KANK4: variants seen among roughly 807,000 people sequenced by gnomAD.
KANK4 encodes KN motif and ankyrin repeat domain-containing protein 4.
Under a neutral mutation model 80.8 loss-of-function variants are expected in KANK4, and 50 were observed. The observed-to-expected ratio is 0.62, with a 90% CI of 0.49 to 0.78. KANK4 has a LOEUF of 0.78. Ranked by LOEUF, KANK4 falls within the 30% of genes least tolerant of loss-of-function variation. The pLI, the probability that KANK4 is intolerant of heterozygous loss-of-function variation, is 0.00. For synonymous variants in KANK4, 465 were observed against 506.9 expected (o/e 0.92, Z 1.11); for missense variants, 1,196 against 1,240.1 (o/e 0.96, Z 0.53).
chr1:62,263,561 TTAA>T (rs1393515372), intron 6 of KANK4: 1 of 464,630 alleles, frequency 2.2e-6, no homozygotes, highest in Non-Finnish European at 3.8e-6. Context: ...AACAAGGCAC[TTAA>T]CTGGAAAAAG....
intron 1 of KANK4, among the ~76,000 whole-genome samples, chr1:62,309,270 C>T (rs1218319096): frequency 6.6e-6 from 1 of 152,176 alleles, no homozygotes; most frequent in Non-Finnish European, 1.5e-5. Flanking sequence ...GAGGGCTCCA[C>T]CTTCATGACC....
chr1:62,270,331 T>C (rs1044163416), intron 4 of KANK4, among the ~76,000 whole-genome samples: 3 of 151,906 alleles, frequency 2.0e-5, no homozygotes, highest in African/African-American at 7.3e-5. Flanking sequence ...TTAGTGGAAG[T>C]GGGAACAGCA....
chr1:62,274,622 CT>C lies in KANK4; in HGVS notation c.481del (p.Arg161GlufsTer20). 1 of 1,614,170 alleles carries C rather than the reference CT, an allele frequency of 6.2e-7. No individual in the cohort carries two copies. The highest frequency in any genetic ancestry group is 8.5e-7 in the Non-Finnish European group (1 of 1,180,026). On this transcript the variant is annotated frameshift_variant, in exon 3 of 10. Coordinates refer to ENST00000371153, the MANE Select transcript of KANK4 (RefSeq NM_181712.5). LOFTEE classifies it high-confidence loss of function. Reference sequence around the variant, plus strand: ...CAGCGTGGCAGGCATGCTGGATGCTCTCAAGAGCTGGGGCCGTCCACTCCCA... The same window carrying C: ...CAGCGTGGCAGGCATGCTGGATGCTCCAAGAGCTGGGGCCGTCCACTCCCA... Reference protein sequence around the residue: ...TFGSGRPQLLRASSMPATLLH... With the variant: ...TFGSGRPQLLXASSMPATLLH...
intron 4 of KANK4, among the ~76,000 whole-genome samples, chr1:62,269,767 A>T (rs1455015567): frequency 6.6e-6 from 1 of 152,194 alleles, no homozygotes; most frequent in Non-Finnish European, 1.5e-5. Context: ...TTAGGTAGTG[A>T]TAAAAACAAT....
chr1:62,277,830 A>G (rs1214123916), intron 2 of KANK4, among the ~76,000 whole-genome samples: 2 of 152,256 alleles, frequency 1.3e-5, no homozygotes, highest in African/African-American at 2.4e-5. Flanking sequence ...GCCTGTATTA[A>G]TAATAAATTA....
intron 8 of KANK4, 26 bp from the exon 9 acceptor site, chr1:62,247,698 G>T: frequency 1.2e-6 from 2 of 1,608,366 alleles, no homozygotes; most frequent in South Asian, 1.1e-5. Flanking sequence ...CAGGGATGTG[G>T]TGAGGTTGCT....
chr1:62,261,760 T>C (rs567914807), intron 7 of KANK4, among the ~76,000 whole-genome samples: 1 of 152,240 alleles, frequency 6.6e-6, no homozygotes, highest in Admixed American at 6.5e-5. Flanking sequence ...TTAATTCCCA[T>C]CCCATCCAAA....
chr1:62,281,171 C>T (rs1336786559), intron 2 of KANK4, among the ~76,000 whole-genome samples: 1 of 152,192 alleles, frequency 6.6e-6, no homozygotes, highest in Non-Finnish European at 1.5e-5. Flanking sequence ...TCATCCATGC[C>T]AGCCCAAACC....
At chr1:62,271,806 C>A in intron 3 of KANK4, 1 of 487,702 alleles carries the variant, frequency 2.1e-6, no homozygotes, top group Non-Finnish European at 3.7e-6. Context: ...AACAATGCCC[C>A]TCTAAGTGTG....
intron 1 of KANK4, among the ~76,000 whole-genome samples, chr1:62,299,000 T>A (rs994188708): frequency 3.3e-5 from 5 of 152,080 alleles, no homozygotes; most frequent in Admixed American, 1.3e-4. Flanking sequence ...TTGGTCATAG[T>A]CACAAAGATA....
Position 62,236,593 on chromosome 1 carries a change from A to ATTT in KANK4, c.*1681_*1683dup, listed in dbSNP as rs11449212. Among the ~76,000 whole-genome samples the ATTT allele has an allele frequency of 0.029, 3,650 of 124,320 alleles. 137 individuals carry two copies. The highest frequency in any genetic ancestry group is 0.067 in the African/African-American group (2,154 of 32,210). The allele number at this position is 124,320 out of a possible 152,430, so 81.6% of individuals were successfully genotyped here. A position where few individuals can be genotyped will look rare whatever the true frequency, so the allele number is the denominator to read the frequency against. Reference sequence around the variant, plus strand: ...ATGGCCTTAATGGGTTACAAATTGGATTTTTTTTTTTTTTTTTTTTGAGAC... The same window carrying ATTT: ...ATGGCCTTAATGGGTTACAAATTGGATTTTTTTTTTTTTTTTTTTTTTTGAGAC... On this transcript the variant is annotated 3_prime_UTR_variant, in exon 10 of 10. Transcript: ENST00000371153.
chr1:62,268,355 A>C lies in KANK4; in HGVS notation c.2163T>G (p.Pro721=), dbSNP rs778833156. The C allele has an allele frequency of 3.7e-6, 6 of 1,614,070 alleles. No homozygotes were observed. The East Asian group carries it at 8.9e-5, about 24-fold the overall frequency. Residue 721 remains proline, a synonymous_variant, in exon 5 of 10, where the codon CCT becomes CCG. Transcript: ENST00000371153. Reference sequence around the variant, plus strand: ...CCTGGGCAGCATGGCAGGTGCCCTCAGGGATGCCCTGCCCAGCCTCGCAGG... The same window carrying C: ...CCTGGGCAGCATGGCAGGTGCCCTCCGGGATGCCCTGCCCAGCCTCGCAGG... ...HLTCEAGQGI[P]EGTCHAAQES...
At chr1:62,240,776 A>G (rs981739034) in intron 9 of KANK4, among the ~76,000 whole-genome samples, 18 of 152,242 alleles carry the variant, frequency 1.2e-4, no homozygotes, top group African/African-American at 4.3e-4. Context: ...CACTCTTTAC[A>G]TTGACACGGT....
At chr1:62,278,345 C>T (rs373450265) in intron 2 of KANK4, among the ~76,000 whole-genome samples, 429 of 11,520 alleles carry the variant, frequency 0.037, 44 homozygotes, top group African/African-American at 0.2. Flanking sequence ...TCCTTCCTTC[C>T]TTCCTTCCTT....
intron 9 of KANK4, among the ~76,000 whole-genome samples, chr1:62,246,589 C>CATTT (rs922476149): frequency 6.6e-6 from 1 of 152,032 alleles, no homozygotes; most frequent in Non-Finnish European, 1.5e-5. Flanking sequence ...TGAATCATCT[C>CATTT]ATTTATTTAT....
At chr1:62,315,171 T>A (rs1432005228) in intron 1 of KANK4, among the ~76,000 whole-genome samples, 1 of 152,190 alleles carries the variant, frequency 6.6e-6, no homozygotes, top group Non-Finnish European at 1.5e-5. Context: ...AGAGAGGTTA[T>A]GGACCAGCTG....
intron 8 of KANK4, among the ~76,000 whole-genome samples, chr1:62,249,618 C>G (rs1043370215): frequency 1.3e-5 from 2 of 151,186 alleles, no homozygotes; most frequent in South Asian, 4.2e-4. Context: ...TCTCGGCTCA[C>G]TGCAACCTCT....
Position 62,273,925 on chromosome 1 carries a change from T to G in KANK4, c.1179A>C (p.Gln393His), listed in dbSNP as rs1042951135. Residue 393 changes from glutamine (Q) to histidine (H), a missense_variant, in exon 3 of 10, where the codon CAA (glutamine) becomes CAC (histidine). Gln to His is a conservative substitution (Grantham distance 24, BLOSUM62 0). Coordinates refer to ENST00000371153, the MANE Select transcript of KANK4 (RefSeq NM_181712.5). ...RIRELEFTVA[Q>H]LEGQFHQENA... ...TCTCTTGGTGAAACTGTCCTTCCAG[T>G]TGGGCTACAGTGAACTCCAGCTCTC... is the stretch of plus-strand genomic sequence containing the variant. The G allele has an allele frequency of 3.7e-6, 6 of 1,614,202 alleles. No homozygotes were observed. The highest frequency in any genetic ancestry group is 1.1e-5 in the South Asian group (1 of 91,086).
intron 1 of KANK4, among the ~76,000 whole-genome samples, chr1:62,296,578 G>T (rs977961078): frequency 2.6e-5 from 4 of 152,040 alleles, no homozygotes; most frequent in Non-Finnish European, 4.4e-5. Context: ...TTGAGACAGG[G>T]TCTCGCTCTG....
Sources: gnomAD v4.1 joint callset for allele counts (sites outside exome capture counted in the v4.1 genomes callset) on GRCh38, gnomAD v4.1.1 for gene constraint, MANE v1.5 for transcripts, NCBI Gene and HGNC (gene_info 2026-07-23, HGNC 2026-07-21) for gene names.